The following PRR5L variants were observed in gnomAD, a reference collection of about 807,000 sequenced individuals.
The protein encoded by PRR5L is proline-rich protein 5-like.
In PRR5L, 21 loss-of-function variants were observed where a neutral mutation model predicts 36.4. That is an observed-to-expected ratio of 0.58 (90% CI 0.41 to 0.83). The LOEUF (loss-of-function observed/expected upper bound fraction) is 0.83, where lower values mean the gene tolerates loss of function less well. Ranked by LOEUF, PRR5L falls within the 40% of genes least tolerant of loss-of-function variation. The pLI, the probability that PRR5L is intolerant of heterozygous loss-of-function variation, is 0.00. For missense variants in PRR5L, 381 were observed against 473.3 expected, an observed-to-expected ratio of 0.80 and a Z score of 1.81; for synonymous variants, 188 against 197.0, an observed-to-expected ratio of 0.95 and a Z score of 0.38.
intron 7 of PRR5L, among the ~76,000 whole-genome samples, chr11:36,446,992 G>A (rs1228436848): frequency 6.6e-6 from 1 of 152,154 alleles, no homozygotes; most frequent in Non-Finnish European, 1.5e-5. Flanking sequence ...CTTATGTTCT[G>A]TGTTTGGTTT....
In PRR5L at chr11:36,462,855, G is replaced by A; in HGVS notation, c.*119G>A. ...GCGATGCTGCCTTATTTCCTTTAGG[G>A]TACTGTCCTGGTCAAAATGACCTAA... On this transcript the variant is annotated 3_prime_UTR_variant, in exon 9 of 9. Coordinates refer to ENST00000530639, the MANE Select transcript of PRR5L (RefSeq NM_001160167.2). The A allele has an allele frequency of 1.0e-6, 1 of 987,984 alleles. No homozygotes were observed. Among genetic ancestry groups the A allele is most frequent in the Non-Finnish European group, 1.4e-6 (1 of 699,542 alleles). The allele number at this position is 987,984 out of a possible 1,614,324, so 61.2% of individuals were successfully genotyped here.
chr11:36,389,848 G>A (rs1399739078), intron 1 of PRR5L, among the ~76,000 whole-genome samples: 6 of 152,072 alleles, frequency 3.9e-5, no homozygotes, highest in Middle Eastern at 3.2e-3. Context: ...CCTGAGCTCA[G>A]GTGATCCACC....
chr11:36,299,736 G>A (rs1285804495), intron 1 of PRR5L, among the ~76,000 whole-genome samples: 1 of 152,182 alleles, frequency 6.6e-6, no homozygotes, highest in African/African-American at 2.4e-5. Flanking sequence ...GCGGGGAGGG[G>A]AGTAGAGATT....
intron 1 of PRR5L, among the ~76,000 whole-genome samples, chr11:36,389,716 A>G (rs1434164296): frequency 6.6e-6 from 1 of 150,526 alleles, no homozygotes; most frequent in African/African-American, 2.5e-5. Context: ...GGGTTCAAGC[A>G]ATTCTCCTGC....
At position 36,401,411 on chromosome 11, in the gene PRR5L, C is replaced by T. The variant is rs977397764; in HGVS notation, c.164+126C>T. 5.1e-5 allele frequency: 47 copies of T among 914,352 alleles called. No individual in the cohort carries two copies. The African/African-American group carries it at 6.0e-4, about 12-fold the overall frequency. The allele number at this position is 914,352 out of a possible 1,614,324, so 56.6% of individuals were successfully genotyped here. ...CCGTGATTATGGGGGTAAATAATGA[C>T]GAGAGCAAATTTTCTTTTTTTCCTT... On this transcript the variant is annotated intron_variant, in intron 2 of 8. Transcript: ENST00000530639.
intron 1 of PRR5L, among the ~76,000 whole-genome samples, chr11:36,354,359 C>T (rs966068663): frequency 6.6e-6 from 1 of 152,130 alleles, no homozygotes; most frequent in East Asian, 1.9e-4. Flanking sequence ...GGCAAAGGCA[C>T]GTCAACAGCC....
Position 36,462,603 on chromosome 11 carries a change from T to A in PRR5L, c.974T>A (p.Leu325Gln). Reference protein sequence around the residue: ...EASSENKCLLLPPSFPPPHRQ... With the variant: ...EASSENKCLLQPPSFPPPHRQ... ...AGCAGTGAGAACAAGTGCCTGCTCC[T>A]GCCACCCAGCTTCCCCCCGCCCCAC... The change falls in exon 9 of 9, where the codon CTG becomes CAG. Residue 325 changes from leucine to glutamine, a missense_variant. Transcript: ENST00000530639. 1 of 1,612,772 alleles carries A rather than the reference T, an allele frequency of 6.2e-7. No homozygotes were observed. Among genetic ancestry groups the A allele is most frequent in the Non-Finnish European group, 8.5e-7 (1 of 1,179,920 alleles).
At chr11:36,350,107 G>A (rs1196217205) in intron 1 of PRR5L, 2 of 150,910 alleles carry the variant, frequency 1.3e-5, no homozygotes, top group African/African-American at 4.9e-5. Flanking sequence ...TGGTGACAAT[G>A]AGGGCCCGGA....
intron 1 of PRR5L, chr11:36,350,175 TGTGTGTGTGGGAGG>T (rs1856912677): frequency 1.5e-5 from 1 of 67,178 alleles, no homozygotes; most frequent in Non-Finnish European, 2.8e-5. Context: ...GGAGGGTGGG[TGTGTGTGTGGGAGG>T]GTGGGTGGGT....
intron 1 of PRR5L, among the ~76,000 whole-genome samples, chr11:36,328,686 A>T (rs1167879390): frequency 2.6e-5 from 4 of 152,200 alleles, no homozygotes; most frequent in Non-Finnish European, 5.9e-5. Flanking sequence ...CCCGATGCCA[A>T]CTTCTCATCT....
At chr11:36,447,258 G>A (rs1201432949) in intron 7 of PRR5L, among the ~76,000 whole-genome samples, 1 of 152,224 alleles carries the variant, frequency 6.6e-6, no homozygotes, top group East Asian at 1.9e-4. Context: ...ATGAAACCTA[G>A]TAAGTTTGTG....
chr11:36,319,682 CTTTT>C (rs10565468), intron 1 of PRR5L, among the ~76,000 whole-genome samples: 149 of 140,666 alleles, frequency 1.1e-3, no homozygotes, highest in Non-Finnish European at 1.4e-3. Flanking sequence ...ACTAAATTTC[CTTTT>C]TTTTTTTTTT....
chr11:36,436,006 A>G (rs549653244), intron 5 of PRR5L, among the ~76,000 whole-genome samples: 1 of 152,316 alleles, frequency 6.6e-6, no homozygotes, highest in East Asian at 1.9e-4. Context: ...ATAAAGTGTG[A>G]TCAGTGGTTT....
intron 1 of PRR5L, among the ~76,000 whole-genome samples, chr11:36,366,727 G>A (rs192223973): frequency 1.2e-3 from 186 of 152,270 alleles, no homozygotes; most frequent in Admixed American, 3.1e-3. Flanking sequence ...TGCCTAGGAC[G>A]CTAAATTAGT....
chr11:36,335,672 A>G (rs760956257), intron 1 of PRR5L, among the ~76,000 whole-genome samples: 1 of 152,196 alleles, frequency 6.6e-6, no homozygotes, highest in Non-Finnish European at 1.5e-5. Flanking sequence ...GTATTTATTT[A>G]GAATGCAAAT....
At chr11:36,404,268 C>CTTT (rs869208636) in intron 3 of PRR5L, among the ~76,000 whole-genome samples, 10 of 97,984 alleles carry the variant, frequency 1.0e-4, no homozygotes, top group East Asian at 2.6e-4. Flanking sequence ...TCCATCAGGT[C>CTTT]TTTTTTTTTT....
At chr11:36,312,169 G>A (rs895177267) in intron 1 of PRR5L, among the ~76,000 whole-genome samples, 3 of 152,158 alleles carry the variant, frequency 2.0e-5, no homozygotes, top group South Asian at 2.1e-4. Context: ...TGAGAAGCAC[G>A]TAAATATATT....
At chr11:36,376,163 G>C (rs1430648412) in intron 1 of PRR5L, 1 of 1,304,978 alleles carries the variant, frequency 7.7e-7, no homozygotes. Flanking sequence ...CTGGATGTAA[G>C]TGCAGGGCCC....
chr11:36,385,887 A>G (rs1857449009), intron 1 of PRR5L, among the ~76,000 whole-genome samples: 1 of 152,250 alleles, frequency 6.6e-6, no homozygotes, highest in Non-Finnish European at 1.5e-5. Context: ...CCCGTGGACA[A>G]TAATGCTTAG....
Sources: allele counts gnomAD v4.1 joint callset (sites outside exome capture counted in the v4.1 genomes callset), GRCh38; gene constraint gnomAD v4.1.1; transcripts MANE v1.5; gene names NCBI Gene and HGNC (gene_info 2026-07-23, HGNC 2026-07-21).